PALLD: variants seen among roughly 807,000 people sequenced by gnomAD.
PALLD encodes the protein palladin, cytoskeletal associated protein.
In PALLD, 61 loss-of-function variants were observed where a neutral mutation model predicts 123.5. The ratio of observed to expected loss-of-function variants is 0.49; its 90% CI spans 0.40 to 0.61. The LOEUF is 0.61. Among genes scored for constraint, PALLD ranks in the 20% least tolerant of loss-of-function variants. The pLI is 0.00. For missense variants in PALLD, 1,273 were observed against 1,377.0 expected (o/e 0.92, Z 1.20); for synonymous variants, 465 against 496.4 (o/e 0.94, Z 0.84).
At position 168,905,138 on chromosome 4, in the gene PALLD, GTTTTTTTT is replaced by G. The variant is rs777740588; in HGVS notation, c.2622+1255_2622+1262del. ...TGAGACTTTGTTTTTTGTTTTGTTG[GTTTTTTTT>G]TTTTTTTTTTTTTTTTTTTTTTGAG... On this transcript the variant is annotated intron_variant, in intron 15 of 21. Coordinates refer to ENST00000505667, the MANE Select transcript of PALLD (RefSeq NM_001166108.2). Among the ~76,000 whole-genome samples, 2 of 34,524 alleles carry G rather than the reference GTTTTTTTT, an allele frequency of 5.8e-5. 1 individual carries two copies. The highest frequency in any genetic ancestry group is 5.7e-4 in the Admixed American group (2 of 3,520). The allele number at this position is 34,524 out of a possible 152,430, so 22.6% of individuals were successfully genotyped here. A position where few individuals can be genotyped will look rare whatever the true frequency, so the allele number is the denominator to read the frequency against.
intron 10 of PALLD, among the ~76,000 whole-genome samples, chr4:168,809,202 A>T (rs538466563): frequency 6.6e-6 from 1 of 152,182 alleles, no homozygotes; most frequent in Non-Finnish European, 1.5e-5. Flanking sequence ...TCATGAGGCC[A>T]TGAAAACTGA....
At chr4:168,539,898 T>C (rs968010046) in intron 2 of PALLD, among the ~76,000 whole-genome samples, 2 of 152,116 alleles carry the variant, frequency 1.3e-5, no homozygotes, top group African/African-American at 4.8e-5. Flanking sequence ...TGGGGTACGA[T>C]TGATCTGGTC....
At chr4:168,830,351 G>C (rs2874139) in intron 10 of PALLD, among the ~76,000 whole-genome samples, 97,658 of 151,422 alleles carry the variant, frequency 0.64, 31,809 homozygotes, top group Non-Finnish European at 0.69. Context: ...ATAGCGAGAC[G>C]TTGTCTTGAA....
intron 2 of PALLD, among the ~76,000 whole-genome samples, chr4:168,641,509 G>A (rs1002365152): frequency 6.6e-6 from 1 of 151,750 alleles, no homozygotes; most frequent in Non-Finnish European, 1.5e-5. Context: ...ACCCAGGACT[G>A]TGGTGCTCAG....
intron 13 of PALLD, among the ~76,000 whole-genome samples, chr4:168,897,493 C>G (rs1410537880): frequency 6.6e-6 from 1 of 152,184 alleles, no homozygotes; most frequent in Non-Finnish European, 1.5e-5. Flanking sequence ...TTTGCCCAGG[C>G]TTGAGTGCAG....
At chr4:168,550,586 G>GCC (rs761313437) in intron 2 of PALLD, among the ~76,000 whole-genome samples, 20,729 of 152,172 alleles carry the variant, frequency 0.14, 1,637 homozygotes, top group East Asian at 0.27. Context: ...GAGCCACTGG[G>GCC]AGAGTCTCCC....
intron 10 of PALLD, among the ~76,000 whole-genome samples, chr4:168,820,273 T>G (rs192912804): frequency 9.8e-4 from 150 of 152,336 alleles, no homozygotes; most frequent in African/African-American, 3.3e-3. Context: ...CTTGCAGCAA[T>G]TAATCAGGTG....
intron 10 of PALLD, chr4:168,832,613 G>A (rs1343137039): frequency 6.5e-6 from 1 of 152,792 alleles, no homozygotes; most frequent in East Asian, 1.9e-4. Context: ...AGGGCCGGGA[G>A]AGGCGATGAC....
At chr4:168,889,856 G>A (rs1440785683) in intron 10 of PALLD, among the ~76,000 whole-genome samples, 1 of 152,206 alleles carries the variant, frequency 6.6e-6, no homozygotes, top group South Asian at 2.1e-4. Flanking sequence ...TCATGCTAAT[G>A]CTGCTGGTCC....
At chr4:168,569,747 G>A (rs1275613678) in intron 2 of PALLD, among the ~76,000 whole-genome samples, 3 of 152,144 alleles carry the variant, frequency 2.0e-5, no homozygotes, top group Non-Finnish European at 4.4e-5. Flanking sequence ...TGCGGCATAT[G>A]GTGAATCTAC....
intron 2 of PALLD, among the ~76,000 whole-genome samples, chr4:168,642,239 GA>G (rs1161812296): frequency 2.0e-5 from 3 of 152,068 alleles, no homozygotes; most frequent in African/African-American, 2.4e-5. Flanking sequence ...GATTCCTGAT[GA>G]AAAAAAGTTT....
At chr4:168,832,084 C>T in intron 10 of PALLD, 2 of 985,448 alleles carry the variant, frequency 2.0e-6, no homozygotes, top group Non-Finnish European at 2.4e-6. Context: ...GATACCTGCC[C>T]CGCGCCCGGT....
At chr4:168,761,653 T>G (rs545379642) in intron 10 of PALLD, among the ~76,000 whole-genome samples, 32 of 37,568 alleles carry the variant, frequency 8.5e-4, no homozygotes, top group African/African-American at 3.6e-3. Context: ...TTGTTTTTTT[T>G]TTTTTTTTTT....
intron 2 of PALLD, among the ~76,000 whole-genome samples, chr4:168,664,539 A>T (rs562490896): frequency 1.3e-5 from 2 of 152,210 alleles, no homozygotes; most frequent in African/African-American, 4.8e-5. Context: ...CTCAGTGAAT[A>T]AAATTGAAAC....
At chr4:168,561,837 A>G (rs1030361039) in intron 2 of PALLD, among the ~76,000 whole-genome samples, 3 of 152,190 alleles carry the variant, frequency 2.0e-5, no homozygotes, top group Non-Finnish European at 2.9e-5. Flanking sequence ...AGACTTCAAC[A>G]TATATAAACT....
At chr4:168,667,036 G>A (rs1378433222) in intron 2 of PALLD, among the ~76,000 whole-genome samples, 2 of 152,096 alleles carry the variant, frequency 1.3e-5, no homozygotes, top group Non-Finnish European at 2.9e-5. Context: ...TAATTCCCCA[G>A]GTCTTATCTC....
intron 11 of PALLD, 101 bp downstream of exon 11, chr4:168,891,158 T>C: frequency 1.7e-6 from 2 of 1,145,390 alleles, no homozygotes; most frequent in South Asian, 1.3e-5. Context: ...CACAACATCA[T>C]CATTATTATT....
chr4:168,694,285 T>C (rs143450959), intron 8 of PALLD, among the ~76,000 whole-genome samples: 2 of 152,348 alleles, frequency 1.3e-5, no homozygotes, highest in East Asian at 3.9e-4. Flanking sequence ...AGATAAATTT[T>C]ATAGGACTAG....
intron 10 of PALLD, chr4:168,832,017 G>A (rs1189178161): frequency 2.0e-6 from 2 of 985,314 alleles, no homozygotes; most frequent in Non-Finnish European, 2.4e-6. Context: ...ATTTTGAAGG[G>A]CGGCGGGTGA....
Sources: gnomAD v4.1 joint callset for allele counts (sites outside exome capture counted in the v4.1 genomes callset) on GRCh38, gnomAD v4.1.1 for gene constraint, MANE v1.5 for transcripts, NCBI Gene and HGNC (gene_info 2026-07-23, HGNC 2026-07-21) for gene names.